Variants in MDFIC2 observed in about 807,000 individuals in gnomAD.
MDFIC2 encodes the protein MyoD family inhibitor domain containing 2.
Position 70,206,752 on chromosome 3 carries a change from G to C in MDFIC2, c.127C>G (p.Pro43Ala), listed in dbSNP as rs1701295027. Residue 43 changes from proline (P) to alanine (A), a missense_variant, in exon 3 of 4, where the codon CCC becomes GCC. Coordinates refer to ENST00000567252, the MANE Select transcript of MDFIC2 (RefSeq NM_001364677.1). Reference protein sequence around the residue: ...LTNAKHADEKPINAIVINSVS... With the variant: ...LTNAKHADEKAINAIVINSVS... ...GAATTTATAACAATAGCATTAATGG[G>C]TTTCTCATCTGCATGCTTTGCATTC... is the stretch of plus-strand genomic sequence containing the variant. The C allele has an allele frequency of 2.5e-6, 1 of 397,618 alleles. No homozygotes were observed. Among genetic ancestry groups the C allele is most frequent in the Non-Finnish European group, 4.4e-6 (1 of 225,514 alleles). The allele number at this position is 397,618 out of a possible 1,614,324, so 24.6% of individuals were successfully genotyped here.
intron 2 of MDFIC2, among the ~76,000 whole-genome samples, chr3:70,221,813 G>T (rs956751001): frequency 6.6e-6 from 1 of 151,988 alleles, no homozygotes; most frequent in Non-Finnish European, 1.5e-5. Flanking sequence ...GCCATTTACA[G>T]GACATTGCTA....
intron 2 of MDFIC2, among the ~76,000 whole-genome samples, chr3:70,265,165 G>C (rs1701904610): frequency 1.3e-5 from 2 of 152,110 alleles, no homozygotes; most frequent in African/African-American, 4.8e-5. Flanking sequence ...GATTGGGTGG[G>C]GACACAGCCA....
At chr3:70,239,359 C>A (rs1240716867) in intron 2 of MDFIC2, among the ~76,000 whole-genome samples, 1 of 152,014 alleles carries the variant, frequency 6.6e-6, no homozygotes. Flanking sequence ...AAGATTAGAC[C>A]CCAGCTGTCT....
At chr3:70,277,753 G>T (rs1222882909) in intron 2 of MDFIC2, among the ~76,000 whole-genome samples, 1 of 152,108 alleles carries the variant, frequency 6.6e-6, no homozygotes, top group Non-Finnish European at 1.5e-5. Flanking sequence ...GGGTGTGCTT[G>T]AGGATGGGTG....
At chr3:70,310,035 G>T (rs1036279235) in intron 2 of MDFIC2, among the ~76,000 whole-genome samples, 15 of 152,132 alleles carry the variant, frequency 9.9e-5, no homozygotes, top group Non-Finnish European at 1.6e-4. Context: ...ACCATAAGTG[G>T]TGGTGAAGAA....
At chr3:70,208,193 A>G (rs1701310192) in intron 2 of MDFIC2, among the ~76,000 whole-genome samples, 1 of 152,114 alleles carries the variant, frequency 6.6e-6, no homozygotes, top group African/African-American at 2.4e-5. Flanking sequence ...GTTTGGTGGC[A>G]CAACTGGGAC....
chr3:70,232,822 G>T (rs1279441594), intron 2 of MDFIC2, among the ~76,000 whole-genome samples: 1 of 151,990 alleles, frequency 6.6e-6, no homozygotes, highest in Non-Finnish European at 1.5e-5. Flanking sequence ...GTCTTCCCAG[G>T]GTGATTCTCT....
rs191465385 is a variant in MDFIC2, at chr3:70,293,114, C to T, written c.88+18772G>A. 2.0e-5 allele frequency among the ~76,000 whole-genome samples: 3 copies of T among 148,680 alleles called. No individual in the cohort carries two copies. In the East Asian group the frequency reaches 5.9e-4, roughly 29 times the overall value. On this transcript the variant is annotated intron_variant, in intron 2 of 3. Transcript: ENST00000567252. ...GAGAAGAAAGAAAATTCAGTATTCA[C>T]CAACTGCTGCTCTCCCTCCAGCTTT...
At chr3:70,293,678 T>C (rs951700293) in intron 2 of MDFIC2, among the ~76,000 whole-genome samples, 4 of 152,104 alleles carry the variant, frequency 2.6e-5, no homozygotes, top group Non-Finnish European at 5.9e-5. Flanking sequence ...CATTTTCTCT[T>C]TCCAGAAAAA....
chr3:70,277,983 C>T (rs114299455), intron 2 of MDFIC2, among the ~76,000 whole-genome samples: 1,711 of 152,110 alleles, frequency 0.011, 23 homozygotes, highest in African/African-American at 0.037. Flanking sequence ...AAATAAAGCG[C>T]GCAAATCTTA....
At chr3:70,289,073 G>T (rs1476111181) in intron 2 of MDFIC2, among the ~76,000 whole-genome samples, 2 of 151,706 alleles carry the variant, frequency 1.3e-5, no homozygotes, top group Non-Finnish European at 2.9e-5. Context: ...AAAGTTAATA[G>T]TGTTATGTGT....
chr3:70,286,115 G>C (rs952564377), intron 2 of MDFIC2, among the ~76,000 whole-genome samples: 4 of 151,994 alleles, frequency 2.6e-5, no homozygotes, highest in African/African-American at 9.7e-5. Context: ...TTGGTGTTTT[G>C]GACATGAAGT....
intron 2 of MDFIC2, among the ~76,000 whole-genome samples, chr3:70,245,905 T>C (rs2106645971): frequency 6.6e-6 from 1 of 151,520 alleles, no homozygotes. Context: ...ACTGGCTTTG[T>C]TATTAGCATA....
intron 2 of MDFIC2, among the ~76,000 whole-genome samples, chr3:70,276,342 T>G (rs931859444): frequency 2.0e-5 from 3 of 152,238 alleles, no homozygotes; most frequent in Non-Finnish European, 2.9e-5. Context: ...GAACACACTT[T>G]CTTCACCCAC....
chr3:70,279,084 C>T, intron 2 of MDFIC2, among the ~76,000 whole-genome samples: 1 of 149,584 alleles, frequency 6.7e-6, no homozygotes, highest in East Asian at 2.0e-4. Context: ...TTTGCCCAAG[C>T]CTGACTTCCA....
At chr3:70,253,717 C>G (rs971100930) in intron 2 of MDFIC2, among the ~76,000 whole-genome samples, 1 of 151,854 alleles carries the variant, frequency 6.6e-6, no homozygotes, top group East Asian at 1.9e-4. Flanking sequence ...TGCAAAACCC[C>G]AACTCTAAAA....
At chr3:70,258,753 A>G (rs1048009470) in intron 2 of MDFIC2, among the ~76,000 whole-genome samples, 3 of 152,330 alleles carry the variant, frequency 2.0e-5, no homozygotes, top group African/African-American at 7.2e-5. Flanking sequence ...TAAAAATAAC[A>G]AACAATAGGG....
At chr3:70,274,156 A>C (rs575707729) in intron 2 of MDFIC2, among the ~76,000 whole-genome samples, 8 of 151,818 alleles carry the variant, frequency 5.3e-5, no homozygotes, top group African/African-American at 1.9e-4. Flanking sequence ...ATGTGAAATT[A>C]TACTCTCATA....
At chr3:70,288,362 A>G (rs1171784674) in intron 2 of MDFIC2, among the ~76,000 whole-genome samples, 1 of 130,356 alleles carries the variant, frequency 7.7e-6, no homozygotes, top group Non-Finnish European at 1.6e-5. Flanking sequence ...CATGTAGTTG[A>G]GCGGTTTTGA....
Sources: gnomAD v4.1 joint callset for allele counts (sites outside exome capture counted in the v4.1 genomes callset) on GRCh38, gnomAD v4.1.1 for gene constraint, MANE v1.5 for transcripts, NCBI Gene and HGNC (gene_info 2026-07-23, HGNC 2026-07-21) for gene names.